The following COL4A5 variants were observed in gnomAD, a reference collection of about 807,000 sequenced individuals.
The protein encoded by COL4A5 is collagen alpha-5(IV) chain.
Under a neutral mutation model 130.2 loss-of-function variants are expected in COL4A5, and 26 were observed. That is an observed-to-expected ratio of 0.20 (90% CI 0.15 to 0.28). The LOEUF (loss-of-function observed/expected upper bound fraction) is 0.28. Ranked by LOEUF, COL4A5 falls within the 10% of genes least tolerant of loss-of-function variation. The probability of loss-of-function intolerance (pLI) is 1.00; values close to 1 mark genes in which losing one functional copy is unlikely to be tolerated. For missense variants in COL4A5, 1,131 were observed against 1,344.3 expected (o/e 0.84, Z 2.48); for synonymous variants, 496 against 439.6 (o/e 1.13, Z -1.60).
At chrX:108,652,720 T>A (rs1398083952) in intron 36 of COL4A5, among the ~76,000 whole-genome samples, 1 of 112,244 alleles carries the variant, frequency 8.9e-6, no homozygotes, top group Non-Finnish European at 1.9e-5. Context: ...AATTTGAATC[T>A]TAACAACAAA....
intron 48 of COL4A5, 51 bp downstream of exon 48, chrX:108,686,180 G>A: frequency 3.1e-6 from 3 of 980,295 alleles, no homozygotes; most frequent in Non-Finnish European, 4.3e-6. Context: ...TTGAGTCTGA[G>A]AGACCTCTGG....
At chrX:108,442,448 A>G (rs1483173393) in intron 1 of COL4A5, among the ~76,000 whole-genome samples, 3 of 111,733 alleles carry the variant, frequency 2.7e-5, no homozygotes, top group Non-Finnish European at 5.7e-5. Context: ...TGGAAATATA[A>G]TTTTTAGTGA....
chrX:108,621,199 C>T (rs1454774817), intron 31 of COL4A5, among the ~76,000 whole-genome samples: 1 of 101,731 alleles, frequency 9.8e-6, no homozygotes, highest in Non-Finnish European at 2.0e-5. Flanking sequence ...GTCACCCAGA[C>T]TGGAGTGCAG....
chrX:108,679,273 A>T (rs1434574152), intron 44 of COL4A5, among the ~76,000 whole-genome samples: 2 of 112,078 alleles, frequency 1.8e-5, no homozygotes, highest in East Asian at 5.6e-4. Flanking sequence ...CTTAGATTTA[A>T]CATCTATTAA....
intron 1 of COL4A5, among the ~76,000 whole-genome samples, chrX:108,448,825 A>C (rs1219046192): frequency 9.0e-6 from 1 of 111,702 alleles, no homozygotes; most frequent in Non-Finnish European, 1.9e-5. Flanking sequence ...TGACACTAGT[A>C]AGGGCCAGAG....
chrX:108,470,084 T>A (rs2064750057), intron 1 of COL4A5, among the ~76,000 whole-genome samples: 1 of 112,432 alleles, frequency 8.9e-6, no homozygotes, highest in South Asian at 3.7e-4. Flanking sequence ...TGAATGGTAC[T>A]GCAGTGAACA....
At chrX:108,451,031 TC>T (rs1275160294) in intron 1 of COL4A5, among the ~76,000 whole-genome samples, 3 of 103,591 alleles carry the variant, frequency 2.9e-5, no homozygotes, top group Non-Finnish European at 5.9e-5. Context: ...AGTGTGATGT[TC>T]CCCTTCCTGT....
chrX:108,618,697 T>C (rs1426360584), intron 30 of COL4A5, among the ~76,000 whole-genome samples: 2 of 110,765 alleles, frequency 1.8e-5, no homozygotes, highest in African/African-American at 6.5e-5. Flanking sequence ...TTTTATGTTC[T>C]AATTTTTAAA....
intron 1 of COL4A5, among the ~76,000 whole-genome samples, chrX:108,537,613 G>T (rs1046873839): frequency 9.0e-6 from 1 of 111,479 alleles, no homozygotes; most frequent in Non-Finnish European, 1.9e-5. Flanking sequence ...TTATTTTTAG[G>T]AGCTTAATTT....
At chrX:108,551,062 A>G (rs2065745628) in intron 2 of COL4A5, among the ~76,000 whole-genome samples, 1 of 111,862 alleles carries the variant, frequency 8.9e-6, no homozygotes, top group Non-Finnish European at 1.9e-5. Flanking sequence ...CATAGGAAAT[A>G]CCATTCTAGA....
chrX:108,505,166 A>G (rs2065112837), intron 1 of COL4A5, among the ~76,000 whole-genome samples: 1 of 110,993 alleles, frequency 9.0e-6, no homozygotes, highest in African/African-American at 3.3e-5. Flanking sequence ...CCCACTTGTA[A>G]GTGGGAGTTA....
At chrX:108,468,713 T>C (rs1465302553) in intron 1 of COL4A5, among the ~76,000 whole-genome samples, 1 of 110,316 alleles carries the variant, frequency 9.1e-6, no homozygotes, top group Non-Finnish European at 1.9e-5. Flanking sequence ...TAATTCTCAT[T>C]TGGTCATGGT....
At chrX:108,446,424 A>G (rs1458653293) in intron 1 of COL4A5, among the ~76,000 whole-genome samples, 1 of 112,011 alleles carries the variant, frequency 8.9e-6, no homozygotes, top group Non-Finnish European at 1.9e-5. Context: ...TATTTTTATT[A>G]TTTTATTGCT....
chrX:108,440,516 AAACTTT>A, intron 1 of COL4A5: 1 of 288,331 alleles, frequency 3.5e-6, no homozygotes, highest in Admixed American at 5.8e-5. Context: ...TGGGTATTTA[AAACTTT>A]TCCTCCCCTC....
chrX:108,454,802 G>A (rs1415518908), intron 1 of COL4A5, among the ~76,000 whole-genome samples: 2 of 108,904 alleles, frequency 1.8e-5, no homozygotes, highest in East Asian at 5.9e-4. Flanking sequence ...ATTTTATCGA[G>A]ACAAGGTCTC....
intron 36 of COL4A5, among the ~76,000 whole-genome samples, chrX:108,648,110 A>G: frequency 9.0e-6 from 1 of 111,156 alleles, no homozygotes; most frequent in Middle Eastern, 4.6e-3. Context: ...TGAGTTAGGG[A>G]GGATTCCCTC....
intron 1 of COL4A5, among the ~76,000 whole-genome samples, chrX:108,475,170 C>T (rs112115088): frequency 7.2e-5 from 8 of 111,137 alleles, no homozygotes; most frequent in African/African-American, 2.6e-4. Flanking sequence ...GGCATTGAAT[C>T]TGTGGATCGC....
Position 108,627,049 on chromosome X carries a change from A to G in COL4A5, c.3246+700A>G, listed in dbSNP as rs1158901795. 1.0e-5 allele frequency: 7 copies of G among 686,955 alleles called. No homozygotes were observed. In the East Asian group the frequency reaches 1.1e-3, roughly 109 times the overall value. 56.6% of individuals were successfully genotyped at this position (686,955 alleles called of 1,213,427 possible). Reference sequence around the variant, plus strand: ...TATAAGAATTTATTGAATTGTATGTAAGGATAATTTTTCTTTTAATATTAT... The same window carrying G: ...TATAAGAATTTATTGAATTGTATGTGAGGATAATTTTTCTTTTAATATTAT... On this transcript the variant is annotated intron_variant, in intron 36 of 52. Coordinates refer to ENST00000328300, the MANE Select transcript of COL4A5 (RefSeq NM_033380.3).
intron 42 of COL4A5, chrX:108,670,562 A>G: frequency 3.1e-6 from 1 of 324,599 alleles, no homozygotes; most frequent in Non-Finnish European, 5.6e-6. Flanking sequence ...TGTTTAATTT[A>G]TATCTGTTAA....
Sources: gnomAD v4.1 joint callset for allele counts (sites outside exome capture counted in the v4.1 genomes callset) on GRCh38, gnomAD v4.1.1 for gene constraint, MANE v1.5 for transcripts, NCBI Gene and HGNC (gene_info 2026-07-23, HGNC 2026-07-21) for gene names.